The following PALM2AKAP2 variants were observed in gnomAD, a reference collection of about 807,000 sequenced individuals.
PALM2AKAP2 encodes PALM2 and AKAP2 fusion.
In PALM2AKAP2, 37 loss-of-function variants were observed where a neutral mutation model predicts 71.5. The ratio of observed to expected loss-of-function variants is 0.52; its 90% CI spans 0.40 to 0.68. The LOEUF (loss-of-function observed/expected upper bound fraction) is 0.68, where lower values mean the gene tolerates loss of function less well. PALM2AKAP2 is among the 30% of genes least tolerant of loss of function. The pLI, the probability that PALM2AKAP2 is intolerant of heterozygous loss-of-function variation, is 0.00. For synonymous variants in PALM2AKAP2, 468 were observed against 478.8 expected (o/e 0.98, Z 0.29); for missense variants, 1,224 against 1,191.8 (o/e 1.03, Z -0.40).
In PALM2AKAP2 at chr9:109,691,881, CATATATATAT is replaced by C. The variant is rs1184403919; in HGVS notation, c.5+51027_5+51036del. On this transcript the variant is annotated intron_variant, in intron 1 of 6. Transcript: ENST00000374531. Reference sequence around the variant, plus strand: ...ATATATATATATACACACACACACACATATATATATATATATATATACACACACACATATA... The same window carrying C: ...ATATATATATATACACACACACACACATATATATATACACACACACATATA... 8.8e-3 allele frequency among the ~76,000 whole-genome samples: 409 copies of C among 46,366 alleles called. 2 individuals are homozygous for C. In the Middle Eastern group the frequency reaches 0.12, roughly 13 times the overall value. The allele number at this position is 46,366 out of a possible 152,430, so 30.4% of individuals were successfully genotyped here.
chr9:109,701,829 T>G (rs1454937740), intron 1 of PALM2AKAP2, among the ~76,000 whole-genome samples: 1 of 152,028 alleles, frequency 6.6e-6, no homozygotes. Flanking sequence ...GGGAGAAAAT[T>G]TTTGCAATCT....
intron 2 of PALM2AKAP2, among the ~76,000 whole-genome samples, chr9:109,878,088 G>A (rs1829758607): frequency 6.6e-6 from 1 of 152,152 alleles, no homozygotes; most frequent in Non-Finnish European, 1.5e-5. Flanking sequence ...TTTGTAGAAA[G>A]AGCAACCGAT....
At chr9:110,141,346 C>G (rs1836023197) in intron 2 of PALM2AKAP2, among the ~76,000 whole-genome samples, 1 of 152,092 alleles carries the variant, frequency 6.6e-6, no homozygotes, top group Non-Finnish European at 1.5e-5. Flanking sequence ...CAAGTCTGTT[C>G]CAATCTTGAT....
intron 5 of PALM2AKAP2, among the ~76,000 whole-genome samples, chr9:109,928,857 G>A (rs1831018683): frequency 6.6e-6 from 1 of 152,028 alleles, no homozygotes; most frequent in South Asian, 2.1e-4. Flanking sequence ...AGTAGAGACA[G>A]GGTTTCACCA....
chr9:110,027,864 C>G (rs1833210691), intron 7 of PALM2AKAP2, among the ~76,000 whole-genome samples: 2 of 152,072 alleles, frequency 1.3e-5, no homozygotes, highest in African/African-American at 4.8e-5. Flanking sequence ...CAGCCGGTTG[C>G]CCTTTGTATT....
intron 7 of PALM2AKAP2, among the ~76,000 whole-genome samples, chr9:110,027,778 C>T (rs1377213087): frequency 1.3e-5 from 2 of 152,114 alleles, no homozygotes; most frequent in Admixed American, 1.3e-4. Flanking sequence ...TGAATAGAGG[C>T]CACAGGTTAC....
chr9:110,091,543 A>G (rs945666338), intron 1 of PALM2AKAP2, among the ~76,000 whole-genome samples: 3 of 142,634 alleles, frequency 2.1e-5, no homozygotes, highest in Admixed American at 7.5e-5. Flanking sequence ...GCTCACTGCA[A>G]TCTCTACCTC....
chr9:109,730,263 C>A (rs761967802), intron 1 of PALM2AKAP2, among the ~76,000 whole-genome samples: 3 of 152,180 alleles, frequency 2.0e-5, no homozygotes, highest in Non-Finnish European at 4.4e-5. Flanking sequence ...TTATGAATGA[C>A]AAACCTTCAC....
chr9:109,799,431 T>G (rs749798096), intron 1 of PALM2AKAP2, among the ~76,000 whole-genome samples: 5 of 152,200 alleles, frequency 3.3e-5, no homozygotes, highest in Non-Finnish European at 5.9e-5. Flanking sequence ...CTGCCAGTGC[T>G]GGTACATTCC....
chr9:110,128,735 G>A (rs878945468), intron 1 of PALM2AKAP2, among the ~76,000 whole-genome samples: 1 of 152,218 alleles, frequency 6.6e-6, no homozygotes, highest in Admixed American at 6.5e-5. Context: ...GGGGCAGAGG[G>A]GAGGCTGTGA....
At chr9:109,896,034 A>ACC (rs1830193538) in intron 3 of PALM2AKAP2, among the ~76,000 whole-genome samples, 1 of 151,994 alleles carries the variant, frequency 6.6e-6, no homozygotes, top group South Asian at 2.1e-4. Flanking sequence ...AAATACAAAA[A>ACC]ATTAGCTGGG....
At chr9:109,663,068 A>G (rs1827424385) in intron 1 of PALM2AKAP2, among the ~76,000 whole-genome samples, 1 of 149,682 alleles carries the variant, frequency 6.7e-6, no homozygotes, top group South Asian at 2.1e-4. Context: ...CTTGTATTTG[A>G]TTCTTCTCTC....
chr9:110,081,345 G>A (rs1564294107), intron 1 of PALM2AKAP2, among the ~76,000 whole-genome samples: 3 of 152,198 alleles, frequency 2.0e-5, no homozygotes, highest in Admixed American at 2.0e-4. Context: ...GAGAATTACT[G>A]TTATTTACGT....
chr9:110,048,681 A>T (rs1389826750), upstream of PALM2AKAP2: 1 of 1,521,746 alleles, frequency 6.6e-7, no homozygotes, highest in Non-Finnish European at 8.7e-7. Context: ...GCGCGCCCGG[A>T]GGCTACCACT....
chr9:109,916,754 G>T (rs1404821743), intron 3 of PALM2AKAP2, among the ~76,000 whole-genome samples: 2 of 152,206 alleles, frequency 1.3e-5, no homozygotes, highest in African/African-American at 2.4e-5. Context: ...GCAATCTGGA[G>T]CCAGGCATTC....
At chr9:110,134,072 C>T (rs1184568410) in intron 1 of PALM2AKAP2, among the ~76,000 whole-genome samples, 1 of 152,106 alleles carries the variant, frequency 6.6e-6, no homozygotes, top group Non-Finnish European at 1.5e-5. Context: ...CTGCTTGAGT[C>T]CAGGAGTTTG....
chr9:110,040,285 G>GT (rs1443955692), intron 7 of PALM2AKAP2, among the ~76,000 whole-genome samples: 2 of 152,108 alleles, frequency 1.3e-5, no homozygotes, highest in East Asian at 3.8e-4. Flanking sequence ...CCTTATAATC[G>GT]TAATAGTTAC....
intron 1 of PALM2AKAP2, among the ~76,000 whole-genome samples, chr9:109,757,857 T>A (rs763541658): frequency 3.8e-4 from 58 of 152,112 alleles, no homozygotes; most frequent in Non-Finnish European, 7.1e-4. Flanking sequence ...TCTATGTAAC[T>A]TTTTATGTAT....
chr9:109,658,256 A>G (rs1032062836), intron 1 of PALM2AKAP2, among the ~76,000 whole-genome samples: 1 of 151,900 alleles, frequency 6.6e-6, no homozygotes, highest in Non-Finnish European at 1.5e-5. Flanking sequence ...GTTTAAGGCC[A>G]TGGGATGAAT....
Sources: gnomAD v4.1 joint callset for allele counts (sites outside exome capture counted in the v4.1 genomes callset) on GRCh38, gnomAD v4.1.1 for gene constraint, MANE v1.5 for transcripts, NCBI Gene and HGNC (gene_info 2026-07-23, HGNC 2026-07-21) for gene names.